The following ACSM2B variants were observed in gnomAD, a reference collection of about 807,000 sequenced individuals.
ACSM2B encodes the protein acyl-CoA synthetase medium chain family member 2B.
Under a neutral mutation model 78.6 loss-of-function variants are expected in ACSM2B, and 58 were observed. The ratio of observed to expected loss-of-function variants is 0.74; its 90% CI spans 0.60 to 0.92. ACSM2B has a LOEUF of 0.92. Among genes scored for constraint, ACSM2B ranks in the 40% least tolerant of loss-of-function variants. ACSM2B has a pLI of 0.00. For missense variants in ACSM2B, 688 were observed against 711.2 expected (o/e 0.97, Z 0.37); for synonymous variants, 257 against 256.8 (o/e 1.00, Z -0.01).
intron 3 of ACSM2B, among the ~76,000 whole-genome samples, chr16:20,557,231 A>G (rs1485855381): frequency 3.3e-5 from 5 of 152,142 alleles, no homozygotes; most frequent in African/African-American, 1.2e-4. Flanking sequence ...TGAACATCAC[A>G]TGGACATCCT....
Position 20,564,731 on chromosome 16 carries a change from C to T in ACSM2B, c.115G>A (p.Glu39Lys), listed in dbSNP as rs1191705830. Residue 39 changes from glutamate to lysine, a missense_variant, in exon 2 of 14, where the codon GAA becomes AAA. Transcript: ENST00000329697. The stretch of plus-strand genomic sequence containing the variant: ...GCAAAGTTAAACTTGGCCGGCACTT[C>T]CTGGTGGCCCCACTGCAGGGACACC... ...QLVSLQWGHQEVPAKFNFASD... is the reference protein window; with the variant it reads ...QLVSLQWGHQKVPAKFNFASD... 4 of 1,613,514 alleles carry T rather than the reference C, an allele frequency of 2.5e-6. No individual in the cohort carries two copies. In the South Asian group the frequency reaches 4.4e-5, roughly 18 times the overall value.
At chr16:20,540,867 T>C in intron 12 of ACSM2B, 94 bp from the exon 13 acceptor site, 1 of 1,508,516 alleles carries the variant, frequency 6.6e-7, no homozygotes, top group Non-Finnish European at 9.0e-7. Flanking sequence ...TGCATCACCC[T>C]TGTATCTACT....
intron 8 of ACSM2B, chr16:20,547,320 CA>C: frequency 1.0e-6 from 1 of 985,414 alleles, no homozygotes; most frequent in Non-Finnish European, 1.2e-6. Flanking sequence ...TTCATATTTG[CA>C]GAGCTCTTCC....
At chr16:20,540,546 G>A in intron 13 of ACSM2B, 108 bp downstream of exon 13, 1 of 1,533,096 alleles carries the variant, frequency 6.5e-7, no homozygotes, top group East Asian at 2.3e-5. Flanking sequence ...TCCGGCCCAG[G>A]AAGACTTTTT....
At chr16:20,545,582 C>T (rs372457506) in intron 9 of ACSM2B, among the ~76,000 whole-genome samples, 1 of 152,124 alleles carries the variant, frequency 6.6e-6, no homozygotes, top group South Asian at 2.1e-4. Flanking sequence ...TCGGGCAGAT[C>T]AAAACTCAAA....
chr16:20,540,308 T>A (rs1348585925), intron 13 of ACSM2B, among the ~76,000 whole-genome samples: 6 of 150,960 alleles, frequency 4.0e-5, no homozygotes, highest in Admixed American at 4.0e-4. Flanking sequence ...AGTGGCATGA[T>A]CTCGGCTCAC....
intron 6 of ACSM2B, chr16:20,549,470 C>T (rs2152135920): frequency 5.9e-6 from 1 of 169,488 alleles, no homozygotes; most frequent in East Asian, 1.8e-4. Flanking sequence ...AACAGACTCA[C>T]TCTCCAAAAC....
At chr16:20,556,930 T>C (rs1410652987) in intron 3 of ACSM2B, among the ~76,000 whole-genome samples, 6 of 152,126 alleles carry the variant, frequency 3.9e-5, no homozygotes, top group Non-Finnish European at 5.9e-5. Context: ...TTGGTTTGGT[T>C]GCCTCTGATA....
rs541831870 is a variant in ACSM2B at position 20,558,059 on chromosome 16, C to T, written c.388+1178G>A. 3.4e-3 allele frequency among the ~76,000 whole-genome samples: 514 copies of T among 152,264 alleles called. 2 individuals are homozygous for T. Among genetic ancestry groups the T allele is most frequent in the Admixed American group, 6.3e-3 (96 of 15,288 alleles). ...GAAAAATAACAAATTTGTCACAAGGCTAGAATTATAGTTCAGGAGTCATGG... is the reference window on the plus strand; with the variant it reads ...GAAAAATAACAAATTTGTCACAAGGTTAGAATTATAGTTCAGGAGTCATGG... On this transcript the variant is annotated intron_variant, in intron 3 of 13. Transcript: ENST00000329697.
At chr16:20,552,645 A>G (rs1242387913) in intron 5 of ACSM2B, among the ~76,000 whole-genome samples, 1 of 152,218 alleles carries the variant, frequency 6.6e-6, no homozygotes, top group Admixed American at 6.5e-5. Context: ...AGACATCTGC[A>G]TGGCAAATAT....
At chr16:20,542,719 T>C (rs2015030456) in intron 12 of ACSM2B, 195 bp downstream of exon 12, 7 of 672,714 alleles carry the variant, frequency 1.0e-5, no homozygotes, top group Admixed American at 5.9e-5. Context: ...CTCATAACAA[T>C]CCCTCATCTT....
chr16:20,566,682 G>GATAACATATC lies in ACSM2B; in HGVS notation c.-8-1830_-8-1829insGATATGTTAT, dbSNP rs2015871418. On this transcript the variant is annotated intron_variant, in intron 1 of 13. Coordinates refer to ENST00000329697, the MANE Select transcript of ACSM2B (RefSeq NM_001105069.2). ...TATGTATATATAGTATATACATATA[G>GATAACATATC]TATATACTATATATAGTATATATAT... Among the ~76,000 whole-genome samples the GATAACATATC allele has an allele frequency of 7.2e-3, 29 of 4,016 alleles. 1 individual carries two copies. Among genetic ancestry groups the GATAACATATC allele is most frequent in the African/African-American group, 0.017 (29 of 1,672 alleles). The allele number at this position is 4,016 out of a possible 152,430, so 2.6% of individuals were successfully genotyped here.
chr16:20,564,150 G>A (rs189271392), intron 2 of ACSM2B, among the ~76,000 whole-genome samples: 32 of 152,312 alleles, frequency 2.1e-4, no homozygotes, highest in African/African-American at 7.7e-4. Flanking sequence ...GTGGAGTGCG[G>A]TGGTGTGATC....
chr16:20,541,166 G>T, intron 12 of ACSM2B: 1 of 168,274 alleles, frequency 5.9e-6, no homozygotes, highest in Non-Finnish European at 1.3e-5. Flanking sequence ...TTCAACTTAT[G>T]GTAACTAAAA....
At chr16:20,544,828 G>T in intron 10 of ACSM2B, 3 of 1,016,904 alleles carry the variant, frequency 3.0e-6, no homozygotes, top group Non-Finnish European at 3.5e-6. Context: ...GATACCTAGG[G>T]GAGAGGGAAA....
At position 20,536,815 on chromosome 16, in the gene ACSM2B, CTCTT is replaced by C. The variant is rs1427263401; in HGVS notation, c.*439_*442del. On this transcript the variant is annotated 3_prime_UTR_variant, in exon 14 of 14. Transcript: ENST00000329697. ...TCTCTTTCTTTCTTGTGTTCTTTTG[CTCTT>C]TCTTCTTTCTCTTTCTCTCTTTATT... is the stretch of plus-strand genomic sequence containing the variant. 6.6e-6 allele frequency: 1 copy of C among 151,380 alleles called. No homozygotes were observed. Among genetic ancestry groups the C allele is most frequent in the East Asian group, 1.9e-4 (1 of 5,192 alleles). 9.4% of individuals were successfully genotyped at this position (151,380 alleles called of 1,614,324 possible). A position where few individuals can be genotyped will look rare whatever the true frequency, so the allele number is the denominator to read the frequency against.
At chr16:20,572,434 G>A (rs1276093121) in intron 1 of ACSM2B, among the ~76,000 whole-genome samples, 1 of 137,242 alleles carries the variant, frequency 7.3e-6, no homozygotes, top group East Asian at 2.5e-4. Context: ...GATTTCTGCT[G>A]AGAAATCTGC....
At position 20,564,739 on chromosome 16, in the gene ACSM2B, C is replaced by T. The variant is rs1346576762; in HGVS notation, c.107G>A (p.Gly36Asp). 6.2e-7 allele frequency: 1 copy of T among 1,613,386 alleles called. No individual in the cohort carries two copies. Residue 36 changes from glycine to aspartate, a missense_variant, in exon 2 of 14, where the codon GGC becomes GAC. Coordinates refer to ENST00000329697, the MANE Select transcript of ACSM2B (RefSeq NM_001105069.2). ...NSRQLVSLQW[G>D]HQEVPAKFNF... ...AAACTTGGCCGGCACTTCCTGGTGG[C>T]CCCACTGCAGGGACACCAGTTGCCT...
At chr16:20,573,108 A>G (rs183995043) in intron 1 of ACSM2B, among the ~76,000 whole-genome samples, 110 of 151,184 alleles carry the variant, frequency 7.3e-4, no homozygotes, top group African/African-American at 2.6e-3. Context: ...CTGGTGAGCT[A>G]GTGTGATTTT....
Sources: gnomAD v4.1 joint callset for allele counts (sites outside exome capture counted in the v4.1 genomes callset) on GRCh38, gnomAD v4.1.1 for gene constraint, MANE v1.5 for transcripts, NCBI Gene and HGNC (gene_info 2026-07-23, HGNC 2026-07-21) for gene names.